The following DNAJB13 variants were observed in gnomAD, a reference collection of about 807,000 sequenced individuals.
DNAJB13 encodes dnaJ homolog subfamily B member 13.
Under a neutral mutation model 35.6 loss-of-function variants are expected in DNAJB13, and 22 were observed. The observed-to-expected ratio is 0.62, with a 90% CI of 0.44 to 0.88. The LOEUF (loss-of-function observed/expected upper bound fraction) is 0.88, where lower values mean the gene tolerates loss of function less well. Among genes scored for constraint, DNAJB13 ranks in the 40% least tolerant of loss-of-function variants. The pLI is 0.00. For missense variants in DNAJB13, 370 were observed against 384.3 expected (o/e 0.96, Z 0.31); for synonymous variants, 136 against 144.2 (o/e 0.94, Z 0.41).
intron 3 of DNAJB13, among the ~76,000 whole-genome samples, chr11:73,963,172 A>G (rs1950979649): frequency 6.6e-6 from 1 of 151,896 alleles, no homozygotes; most frequent in African/African-American, 2.4e-5. Context: ...CTAAAAACAA[A>G]CAAACAAACA....
chr11:73,958,304 C>G lies in DNAJB13; in HGVS notation c.69-13C>G. 3 of 1,613,578 alleles carry G rather than the reference C, an allele frequency of 1.9e-6. No individual in the cohort carries two copies. Among genetic ancestry groups the G allele is most frequent in the Non-Finnish European group, 2.5e-6 (3 of 1,179,590 alleles). The stretch of plus-strand genomic sequence containing the variant: ...CCAGCTGATAAGACTTGTATTAATT[C>G]TCCCTCTTCCAGGTACCGCAGACTC... On this transcript the variant is annotated splice_polypyrimidine_tract_variant and intron_variant, in intron 1 of 7. Coordinates refer to ENST00000339764, the MANE Select transcript of DNAJB13 (RefSeq NM_153614.4).
intron 1 of DNAJB13, among the ~76,000 whole-genome samples, chr11:73,954,408 A>T (rs1950676779): frequency 6.6e-6 from 1 of 151,262 alleles, no homozygotes; most frequent in African/African-American, 2.4e-5. Flanking sequence ...AGGCGGGCGG[A>T]TCACGAGTTC....
chr11:73,968,547 C>T, intron 6 of DNAJB13, 89 bp downstream of exon 6: 1 of 1,032,946 alleles, frequency 9.7e-7, no homozygotes, highest in Admixed American at 2.2e-5. Flanking sequence ...CTCCCACAAC[C>T]ACCTGCCATC....
chr11:73,963,597 C>T (rs557018733), intron 3 of DNAJB13: 1 of 152,432 alleles, frequency 6.6e-6, no homozygotes, highest in African/African-American at 2.4e-5. Flanking sequence ...GCTGGGCTTC[C>T]TGTGGACTGG....
intron 1 of DNAJB13, among the ~76,000 whole-genome samples, chr11:73,953,940 T>C (rs970757737): frequency 2.0e-5 from 3 of 149,946 alleles, no homozygotes; most frequent in African/African-American, 7.4e-5. Flanking sequence ...GTGAGCGAGA[T>C]TGCGCCACTG....
rs747859236 is a variant in DNAJB13, at chr11:73,970,103, T to C, written c.940T>C (p.Leu314=). 6.2e-7 allele frequency: 1 copy of C among 1,605,260 alleles called. No homozygotes were observed. The highest frequency in any genetic ancestry group is 2.2e-5 in the East Asian group (1 of 44,720). The change falls in exon 8 of 8, where the codon TTG becomes CTG. Residue 314 remains leucine, a synonymous_variant. Transcript: ENST00000339764. Reference sequence around the variant, plus strand: ...GAAGAAGCAGATGCTGCGCCAGGCATTGCTGACATGACTGTGGTGGGCTGG... The same window carrying C: ...GAAGAAGCAGATGCTGCGCCAGGCACTGCTGACATGACTGTGGTGGGCTGG... ...PQKKQMLRQA[L]LT is the part of the protein sequence containing the mutation.
intron 1 of DNAJB13, 131 bp from the exon 2 acceptor site, chr11:73,958,186 G>A: frequency 1.2e-6 from 1 of 859,406 alleles, no homozygotes; most frequent in East Asian, 2.6e-5. Context: ...CACCTCCGCA[G>A]CCACCACAGC....
At chr11:73,963,577 G>C (rs1950996127) in intron 3 of DNAJB13, 1 of 152,320 alleles carries the variant, frequency 6.6e-6, no homozygotes, top group African/African-American at 2.4e-5. Flanking sequence ...TCTCCCTGCA[G>C]GGTTGAGGGG....
Position 73,958,301 on chromosome 11 carries a change from A to T in DNAJB13, c.69-16A>T, listed in dbSNP as rs768846785. On this transcript the variant is annotated splice_polypyrimidine_tract_variant and intron_variant, in intron 1 of 7. Coordinates refer to ENST00000339764, the MANE Select transcript of DNAJB13 (RefSeq NM_153614.4). The stretch of plus-strand genomic sequence containing the variant: ...AGACCAGCTGATAAGACTTGTATTA[A>T]TTCTCCCTCTTCCAGGTACCGCAGA... 1 of 1,613,498 alleles carries T rather than the reference A, an allele frequency of 6.2e-7. No homozygotes were observed. Among genetic ancestry groups the T allele is most frequent in the South Asian group, 1.1e-5 (1 of 91,072 alleles).
In DNAJB13 at chr11:73,969,324, T is replaced by A; in HGVS notation, c.797+2T>A. ...CATCCCCATCAATGACATCATCCAG[T>A]GAGTCCATCTGCCTTGGGCCCCAGT... On this transcript the variant is annotated splice_donor_variant, in intron 7 of 7. Coordinates refer to ENST00000339764, the MANE Select transcript of DNAJB13 (RefSeq NM_153614.4). LOFTEE classifies it high-confidence loss of function. 1 of 872,374 alleles carries A rather than the reference T, an allele frequency of 1.1e-6. No homozygotes were observed. Among genetic ancestry groups the A allele is most frequent in the Non-Finnish European group, 2.0e-6 (1 of 501,352 alleles). The allele number at this position is 872,374 out of a possible 1,614,324, so 54.0% of individuals were successfully genotyped here. A position where few individuals can be genotyped will look rare whatever the true frequency, so the allele number is the denominator to read the frequency against.
At chr11:73,952,787 C>A (rs932558597) in intron 1 of DNAJB13, among the ~76,000 whole-genome samples, 2 of 152,148 alleles carry the variant, frequency 1.3e-5, no homozygotes, top group African/African-American at 4.8e-5. Flanking sequence ...GTGACCTGGG[C>A]AAATTACTTA....
chr11:73,958,245 C>T lies in DNAJB13; in HGVS notation c.69-72C>T, dbSNP rs1950815764. 3.4e-6 allele frequency: 5 copies of T among 1,480,466 alleles called. No individual in the cohort carries two copies. The East Asian group carries it at 6.8e-5, about 20-fold the overall frequency. 91.7% of individuals were successfully genotyped at this position (1,480,466 alleles called of 1,614,324 possible). On this transcript the variant is annotated intron_variant, in intron 1 of 7. Transcript: ENST00000339764. ...AGCTAGGCAGGAGTGAACAGAGTGC[C>T]GGCTCTGAACTCTGGTCCGCCCTCA...
rs777584686 is a variant in DNAJB13 at position 73,968,331 on chromosome 11, C to T, written c.607-14C>T. On this transcript the variant is annotated splice_polypyrimidine_tract_variant and intron_variant, in intron 5 of 7. Coordinates refer to ENST00000339764, the MANE Select transcript of DNAJB13 (RefSeq NM_153614.4). The stretch of plus-strand genomic sequence containing the variant: ...CCAACTAGTCCTTGTCACCTTTTGG[C>T]GTCCCCTGCCCAGGGCCCCAACATC... 57 of 1,612,248 alleles carry T rather than the reference C, an allele frequency of 3.5e-5. No homozygotes were observed. Among genetic ancestry groups the T allele is most frequent in the East Asian group, 2.2e-4 (10 of 44,878 alleles).
chr11:73,962,000 C>G (rs1198345377), intron 3 of DNAJB13, among the ~76,000 whole-genome samples: 1 of 152,088 alleles, frequency 6.6e-6, no homozygotes, highest in South Asian at 2.1e-4. Flanking sequence ...TCAAGACTGG[C>G]CAGGCTGGTT....
intron 7 of DNAJB13, 55 bp from the exon 8 acceptor site, chr11:73,969,906 G>T (rs1256588967): frequency 1.3e-6 from 2 of 1,555,328 alleles, no homozygotes; most frequent in African/African-American, 2.7e-5. Context: ...ACAGGGACCT[G>T]CTGAGGTGCT....
rs142277192 is a variant in DNAJB13, at chr11:73,966,319, G to C, written c.606+68G>C. The C allele has an allele frequency of 7.5e-5, 108 of 1,436,630 alleles. No individual in the cohort carries two copies. The African/African-American group carries it at 1.3e-3, about 17-fold the overall frequency. 89.0% of individuals were successfully genotyped at this position (1,436,630 alleles called of 1,614,324 possible). A position where few individuals can be genotyped will look rare whatever the true frequency, so the allele number is the denominator to read the frequency against. Reference sequence around the variant, plus strand: ...GGCGGTGGGAAGACTGAGGAGGAAAGGAAGGGAAAGGAGGCAATACTTTTT... The same window carrying C: ...GGCGGTGGGAAGACTGAGGAGGAAACGAAGGGAAAGGAGGCAATACTTTTT... On this transcript the variant is annotated intron_variant, in intron 5 of 7. Transcript: ENST00000339764.
intron 3 of DNAJB13, 139 bp from the exon 4 acceptor site, chr11:73,964,730 CTGAAGAGGT>C (rs1176132534): frequency 2.3e-6 from 2 of 866,242 alleles, no homozygotes; most frequent in African/African-American, 3.4e-5. Flanking sequence ...ACACAGGACA[CTGAAGAGGT>C]TGGGGAGCAT....
intron 3 of DNAJB13, among the ~76,000 whole-genome samples, chr11:73,961,102 CA>C (rs1950920216): frequency 6.6e-6 from 1 of 151,976 alleles, no homozygotes; most frequent in African/African-American, 2.4e-5. Context: ...ACCTGGGCAA[CA>C]TAGCCAAACC....
At chr11:73,963,251 A>C (rs149764262) in intron 3 of DNAJB13, among the ~76,000 whole-genome samples, 57 of 152,100 alleles carry the variant, frequency 3.7e-4, no homozygotes, top group African/African-American at 1.2e-3. Context: ...AGGCTGAGGT[A>C]GGAGAATCGC....
Sources: allele counts gnomAD v4.1 joint callset (sites outside exome capture counted in the v4.1 genomes callset), GRCh38; gene constraint gnomAD v4.1.1; transcripts MANE v1.5; gene names NCBI Gene and HGNC (gene_info 2026-07-23, HGNC 2026-07-21).